Variants in JMY observed in about 807,000 individuals in gnomAD.
The protein encoded by JMY is junction-mediating and -regulatory protein.
In JMY, 46 loss-of-function variants were observed where a neutral mutation model predicts 103.3. That is an observed-to-expected ratio of 0.45 (90% CI 0.35 to 0.57). The LOEUF is 0.57. Among genes scored for constraint, JMY ranks in the 20% least tolerant of loss-of-function variants. JMY has a pLI of 0.00. For synonymous variants in JMY, 526 were observed against 489.3 expected, an observed-to-expected ratio of 1.07 and a Z score of -0.99; for missense variants, 1,238 against 1,255.2, an observed-to-expected ratio of 0.99 and a Z score of 0.21.
chr5:79,300,446 G>A, intron 5 of JMY, 128 bp downstream of exon 5: 3 of 917,840 alleles, frequency 3.3e-6, no homozygotes, highest in Non-Finnish European at 4.8e-6. Context: ...GAGTGTGGGG[G>A]GGTGATTTCT....
intron 1 of JMY, among the ~76,000 whole-genome samples, chr5:79,276,089 T>C (rs768581121): frequency 3.3e-5 from 5 of 152,164 alleles, no homozygotes; most frequent in African/African-American, 4.8e-5. Flanking sequence ...TACTGTCTTC[T>C]GTATTAGTTC....
chr5:79,270,709 TTTA>T (rs1240712434), intron 1 of JMY, among the ~76,000 whole-genome samples: 13 of 147,068 alleles, frequency 8.8e-5, no homozygotes, highest in African/African-American at 3.0e-4. Context: ...ATATTATATA[TTTA>T]TTATTATAAA....
intron 1 of JMY, among the ~76,000 whole-genome samples, chr5:79,275,030 C>G (rs558755299): frequency 2.4e-4 from 37 of 152,188 alleles, no homozygotes; most frequent in Non-Finnish European, 4.6e-4. Flanking sequence ...TGAATTTGGA[C>G]TTTCTTCTTC....
rs902322972 is a variant in JMY, at chr5:79,284,783, T to C, written c.1207-5338T>C. The C allele has an allele frequency of 5.1e-6, 8 of 1,575,394 alleles. No individual in the cohort carries two copies. The African/African-American group carries it at 9.4e-5, about 19-fold the overall frequency. ...CCTTGGGTCCTGGTGATGAGCATCTTTCCAATATTTCTTATATTGAACATA... is the reference window on the plus strand; with the variant it reads ...CCTTGGGTCCTGGTGATGAGCATCTCTCCAATATTTCTTATATTGAACATA... On this transcript the variant is annotated intron_variant, in intron 2 of 10. Transcript: ENST00000396137.
chr5:79,323,017 A>AAAT lies in JMY; in HGVS notation c.*1419_*1421dup, dbSNP rs1747509961. ...TTGTTATTTTAAAGTGTTTTCTTGAAAATAATTAGGGAGAAAATTTTCTGG... is the reference window on the plus strand; with the variant it reads ...TTGTTATTTTAAAGTGTTTTCTTGAAAATAATAATTAGGGAGAAAATTTTCTGG... On this transcript the variant is annotated 3_prime_UTR_variant, in exon 11 of 11. Coordinates refer to ENST00000396137, the MANE Select transcript of JMY (RefSeq NM_152405.5). The AAAT allele has an allele frequency of 6.6e-6, 1 of 152,236 alleles. No homozygotes were observed. Among genetic ancestry groups the AAAT allele is most frequent in the African/African-American group, 2.4e-5 (1 of 41,462 alleles). 9.4% of individuals were successfully genotyped at this position (152,236 alleles called of 1,614,324 possible).
intron 1 of JMY, 42 bp downstream of exon 1, chr5:79,237,724 TTGGTTTAC>T: frequency 1.9e-6 from 3 of 1,552,084 alleles, no homozygotes; most frequent in Non-Finnish European, 2.6e-6. Flanking sequence ...CTGGTCGCTT[TTGGTTTAC>T]TGGCCAAACC....
intron 1 of JMY, among the ~76,000 whole-genome samples, chr5:79,238,742 G>C (rs1005429181): frequency 1.4e-5 from 2 of 144,086 alleles, no homozygotes; most frequent in Non-Finnish European, 3.0e-5. Context: ...CCCCCTCCCG[G>C]GTTCAAGCGA....
At chr5:79,282,009 C>T (rs865902490) in intron 2 of JMY, among the ~76,000 whole-genome samples, 9 of 151,952 alleles carry the variant, frequency 5.9e-5, no homozygotes, top group Admixed American at 2.0e-4. Context: ...ATGGAGACCA[C>T]ACTGGCTAAC....
chr5:79,270,573 G>GTATATTTACATAAATATTTAAAATA (rs1745741335), intron 1 of JMY, among the ~76,000 whole-genome samples: 3 of 28,984 alleles, frequency 1.0e-4, no homozygotes, highest in African/African-American at 2.5e-4. Flanking sequence ...TATTTAAAAT[G>GTATATTTACATAAATATTTAAAATA]TATATTTACA....
At chr5:79,280,122 G>C (rs1746065922) in intron 2 of JMY, among the ~76,000 whole-genome samples, 1 of 152,122 alleles carries the variant, frequency 6.6e-6, no homozygotes, top group Non-Finnish European at 1.5e-5. Flanking sequence ...GGGATTATAG[G>C]CATGAGCCAC....
rs1031649513 is a variant in JMY, at chr5:79,270,653, T to A, written c.1033-7257T>A. ...TATTTACATAAATATTTATATAAAA[T>A]ATATATTTACATAAATATAAAATAT... On this transcript the variant is annotated intron_variant, in intron 1 of 10. Transcript: ENST00000396137. Among the ~76,000 whole-genome samples, 39 of 71,336 alleles carry A rather than the reference T, an allele frequency of 5.5e-4. 1 individual carries two copies. Among genetic ancestry groups the A allele is most frequent in the Non-Finnish European group, 1.6e-4 (5 of 31,236 alleles). 46.8% of individuals were successfully genotyped at this position (71,336 alleles called of 152,430 possible). A position where few individuals can be genotyped will look rare whatever the true frequency, so the allele number is the denominator to read the frequency against.
At chr5:79,312,695 A>G (rs191711832) in intron 8 of JMY, among the ~76,000 whole-genome samples, 197 bp downstream of exon 8, 16 of 152,204 alleles carry the variant, frequency 1.1e-4, no homozygotes, top group Admixed American at 3.9e-4. Context: ...CGAATTTAGT[A>G]TTCTTGTGAC....
At chr5:79,316,990 T>C (rs1580375763) in intron 10 of JMY, among the ~76,000 whole-genome samples, 1 of 151,552 alleles carries the variant, frequency 6.6e-6, no homozygotes. Context: ...TGAGGATCTC[T>C]TGAGCCCAGG....
chr5:79,308,386 T>A (rs1746949428), intron 7 of JMY, among the ~76,000 whole-genome samples: 1 of 152,194 alleles, frequency 6.6e-6, no homozygotes, highest in Non-Finnish European at 1.5e-5. Context: ...TTTGAGGTAA[T>A]TTTTGTGAAG....
intron 10 of JMY, among the ~76,000 whole-genome samples, chr5:79,319,890 A>G (rs573571583): frequency 1.3e-5 from 2 of 151,856 alleles, no homozygotes; most frequent in Non-Finnish European, 2.9e-5. Flanking sequence ...AGATTTCTTG[A>G]TTATAGATTT....
chr5:79,292,590 G>C (rs1746454725), intron 4 of JMY, among the ~76,000 whole-genome samples: 1 of 152,116 alleles, frequency 6.6e-6, no homozygotes. Context: ...CAAGGTGCTG[G>C]AGTTAAGGTC....
intron 1 of JMY, among the ~76,000 whole-genome samples, chr5:79,244,806 A>G (rs1744841834): frequency 1.3e-5 from 2 of 151,568 alleles, no homozygotes; most frequent in African/African-American, 2.4e-5. Flanking sequence ...GGCACTGAAA[A>G]CTAAATAATA....
At chr5:79,239,071 GT>G (rs1398201026) in intron 1 of JMY, among the ~76,000 whole-genome samples, 7 of 152,232 alleles carry the variant, frequency 4.6e-5, no homozygotes, top group Admixed American at 2.0e-4. Flanking sequence ...AGAGCCTCAT[GT>G]TTTTTTCGTA....
At chr5:79,252,541 G>A (rs1160707423) in intron 1 of JMY, among the ~76,000 whole-genome samples, 2 of 152,078 alleles carry the variant, frequency 1.3e-5, no homozygotes, top group African/African-American at 4.8e-5. Flanking sequence ...TGGAAGATCT[G>A]TCCTGCGCTG....
Sources: gnomAD v4.1 joint callset for allele counts (sites outside exome capture counted in the v4.1 genomes callset) on GRCh38, gnomAD v4.1.1 for gene constraint, MANE v1.5 for transcripts, NCBI Gene and HGNC (gene_info 2026-07-23, HGNC 2026-07-21) for gene names.